The following SYNE2 variants were observed in gnomAD, a reference collection of about 807,000 sequenced individuals.
SYNE2 encodes spectrin repeat containing nuclear envelope protein 2.
In SYNE2, 431 loss-of-function variants were observed where a neutral mutation model predicts 856.3. The ratio of observed to expected loss-of-function variants is 0.50; its 90% CI spans 0.47 to 0.55. The LOEUF (loss-of-function observed/expected upper bound fraction) is 0.55, where lower values mean the gene tolerates loss of function less well. SYNE2 is among the 20% of genes least tolerant of loss of function. The pLI is 0.00. For synonymous variants in SYNE2, 2,923 were observed against 2,872.3 expected, an observed-to-expected ratio of 1.02 and a Z score of -0.56; for missense variants, 8,129 against 8,023.2, an observed-to-expected ratio of 1.01 and a Z score of -0.50.
Position 64,053,668 on chromosome 14 carries a change from A to G in SYNE2, c.9744+11A>G. On this transcript the variant is annotated intron_variant, in intron 48 of 115. Coordinates refer to ENST00000555002, the MANE Select transcript of SYNE2 (RefSeq NM_182914.3). ...ATTGATTTGCGCACAGTAAGTTTTA[A>G]AAATTATGCAGTTAGTGGCTGGGTG... 7.4e-6 allele frequency: 12 copies of G among 1,611,810 alleles called. No individual in the cohort carries two copies. Among genetic ancestry groups the G allele is most frequent in the Non-Finnish European group, 1.0e-5 (12 of 1,178,642 alleles).
Position 64,212,243 on chromosome 14 carries a change from C to T in SYNE2, c.18861+145C>T, listed in dbSNP as rs541855640. 3 of 1,326,022 alleles carry T rather than the reference C, an allele frequency of 2.3e-6. No individual in the cohort carries two copies. The East Asian group carries it at 7.1e-5, about 32-fold the overall frequency. The allele number at this position is 1,326,022 out of a possible 1,614,324, so 82.1% of individuals were successfully genotyped here. A position where few individuals can be genotyped will look rare whatever the true frequency, so the allele number is the denominator to read the frequency against. Reference sequence around the variant, plus strand: ...AGGCTACATCCCACCTGTGTACTACCAGATTATCACGTGCAAGGATACTGT... The same window carrying T: ...AGGCTACATCCCACCTGTGTACTACTAGATTATCACGTGCAAGGATACTGT... On this transcript the variant is annotated intron_variant, in intron 104 of 115. Coordinates refer to ENST00000555002, the MANE Select transcript of SYNE2 (RefSeq NM_182914.3).
intron 49 of SYNE2, among the ~76,000 whole-genome samples, chr14:64,061,173 G>T (rs919902190): frequency 6.6e-6 from 1 of 152,136 alleles, no homozygotes; most frequent in African/African-American, 2.4e-5. Context: ...CCTGTGGGGA[G>T]GATGATCAGT....
intron 103 of SYNE2, among the ~76,000 whole-genome samples, chr14:64,210,390 C>T (rs951408279): frequency 6.6e-6 from 1 of 152,170 alleles, no homozygotes; most frequent in Non-Finnish European, 1.5e-5. Flanking sequence ...TTCTGTAACC[C>T]GTGGTGGTGT....
At chr14:64,179,501 C>T (rs1023299047) in intron 96 of SYNE2, among the ~76,000 whole-genome samples, 1 of 152,198 alleles carries the variant, frequency 6.6e-6, no homozygotes, top group Non-Finnish European at 1.5e-5. Flanking sequence ...ACCTAATGCA[C>T]ATTCATTCTC....
intron 63 of SYNE2, among the ~76,000 whole-genome samples, chr14:64,100,531 A>AAAAAAATATATATATATAT (rs1491537041): frequency 2.5e-5 from 1 of 39,496 alleles, no homozygotes. Flanking sequence ...AAAAAAAAAA[A>AAAAAAATATATATATATAT]ATATATATAT....
At chr14:63,975,039 T>C (rs1364345864) in intron 11 of SYNE2, among the ~76,000 whole-genome samples, 1 of 150,996 alleles carries the variant, frequency 6.6e-6, no homozygotes, top group Non-Finnish European at 1.5e-5. Flanking sequence ...CCTGTAACCA[T>C]GTTCTTGGCT....
At chr14:63,978,140 T>C in intron 13 of SYNE2, 123 bp downstream of exon 13, 2 of 734,738 alleles carry the variant, frequency 2.7e-6, no homozygotes, top group South Asian at 1.5e-5. Flanking sequence ...CTTTAAATCT[T>C]GATAACAGTA....
chr14:63,821,665 C>T (rs1394198625), intron 1 of SYNE2, among the ~76,000 whole-genome samples: 1 of 149,694 alleles, frequency 6.7e-6, no homozygotes, highest in Non-Finnish European at 1.5e-5. Context: ...AGGCAGGAGA[C>T]TCACTTGAAC....
At position 64,146,227 on chromosome 14, in the gene SYNE2, A is replaced by AG; in HGVS notation, c.15639+6dup. The AG allele has an allele frequency of 6.2e-7, 1 of 1,605,522 alleles. No homozygotes were observed. The highest frequency in any genetic ancestry group is 8.5e-7 in the Non-Finnish European group (1 of 1,176,326). On this transcript the variant is annotated splice_donor_region_variant and intron_variant, in intron 84 of 115. Coordinates refer to ENST00000555002, the MANE Select transcript of SYNE2 (RefSeq NM_182914.3). ...GAAGCTGCTCCTGGACTGTCAGGTG[A>AG]GGAGGGGAACAGCATCCCACCCAAC...
At chr14:63,818,777 C>T (rs1009856649) in intron 1 of SYNE2, among the ~76,000 whole-genome samples, 1 of 149,198 alleles carries the variant, frequency 6.7e-6, no homozygotes, top group African/African-American at 2.5e-5. Flanking sequence ...CGGCTCACTG[C>T]AAGCTCTGCC....
At position 64,121,250 on chromosome 14, in the gene SYNE2, G is replaced by A. The variant is rs1158258065; in HGVS notation, c.13158+189G>A. Among the ~76,000 whole-genome samples the A allele has an allele frequency of 2.4e-4, 37 of 152,184 alleles. 1 individual carries two copies. Among genetic ancestry groups the A allele is most frequent in the Non-Finnish European group, 2.9e-5 (2 of 68,044 alleles). On this transcript the variant is annotated intron_variant, in intron 68 of 115. Transcript: ENST00000555002. ...AAAACCAAAAAAAAGGCCAGGCACA[G>A]TAGCTCATGCCTGTAATCCCAGCAC...
At chr14:63,942,919 C>T (rs1395110398) in intron 6 of SYNE2, among the ~76,000 whole-genome samples, 1 of 152,218 alleles carries the variant, frequency 6.6e-6, no homozygotes, top group Non-Finnish European at 1.5e-5. Flanking sequence ...GCATGAGCCA[C>T]CGTGCCTGTC....
intron 47 of SYNE2, among the ~76,000 whole-genome samples, chr14:64,050,258 A>T (rs2097215408): frequency 6.6e-6 from 1 of 152,138 alleles, no homozygotes; most frequent in South Asian, 2.1e-4. Flanking sequence ...CTCTACTCCT[A>T]TCCTTAGGGG....
chr14:63,896,037 G>A (rs1490817680), intron 1 of SYNE2, among the ~76,000 whole-genome samples: 1 of 152,132 alleles, frequency 6.6e-6, no homozygotes, highest in Non-Finnish European at 1.5e-5. Flanking sequence ...GGGATAGGTG[G>A]ATGTAGACAG....
chr14:63,891,491 G>A (rs2095131065), intron 1 of SYNE2, among the ~76,000 whole-genome samples: 1 of 151,996 alleles, frequency 6.6e-6, no homozygotes, highest in Admixed American at 6.6e-5. Flanking sequence ...CCTTTTCCTG[G>A]TGCAGCAGAG....
At chr14:63,916,046 A>C (rs555039371) in intron 2 of SYNE2, among the ~76,000 whole-genome samples, 2 of 150,476 alleles carry the variant, frequency 1.3e-5, no homozygotes, top group Non-Finnish European at 2.9e-5. Flanking sequence ...ACCTTCAAGA[A>C]GCATGTAGTC....
Position 63,815,069 on chromosome 14 carries a change from C to CAT in SYNE2, c.-304-37423_-304-37422dup, listed in dbSNP as rs138899560. ...ATATATATATCCATATATACATCCA[C>CAT]ATATATATATCCATATATATGCACA... On this transcript the variant is annotated intron_variant, in intron 1 of 23. Transcript: ENST00000674003. Among the ~76,000 whole-genome samples the CAT allele has an allele frequency of 6.1e-3, 508 of 83,254 alleles. 7 individuals carry two copies. Among genetic ancestry groups the CAT allele is most frequent in the African/African-American group, 0.019 (446 of 23,548 alleles). The allele number at this position is 83,254 out of a possible 152,430, so 54.6% of individuals were successfully genotyped here.
At position 64,134,324 on chromosome 14, in the gene SYNE2, A is replaced by G. The variant is rs11158531; in HGVS notation, c.14646+124A>G. 0.082 allele frequency: 82,536 copies of G among 1,006,232 alleles called. 5,164 individuals carry two copies. Among genetic ancestry groups the G allele is most frequent in the African/African-American group, 0.24 (14,848 of 63,064 alleles). 62.3% of individuals were successfully genotyped at this position (1,006,232 alleles called of 1,614,324 possible). A position where few individuals can be genotyped will look rare whatever the true frequency, so the allele number is the denominator to read the frequency against. On this transcript the variant is annotated intron_variant, in intron 78 of 115. Transcript: ENST00000555002. ...AAACAAAATGTTCATCATACAACTC[A>G]CTGTTGAATGTATTCAGGGAGACTA...
chr14:63,931,332 A>AGTT (rs1362816474), intron 2 of SYNE2, among the ~76,000 whole-genome samples: 3 of 152,026 alleles, frequency 2.0e-5, no homozygotes, highest in African/African-American at 7.2e-5. Context: ...CAGGTGGATC[A>AGTT]TGAGGTCAGG....
Sources: gnomAD v4.1 joint callset for allele counts (sites outside exome capture counted in the v4.1 genomes callset) on GRCh38, gnomAD v4.1.1 for gene constraint, MANE v1.5 for transcripts, NCBI Gene and HGNC (gene_info 2026-07-23, HGNC 2026-07-21) for gene names.